Variants in COL22A1 observed in about 807,000 individuals in gnomAD.
COL22A1 encodes collagen type XXII alpha 1 chain, also known as collagen alpha-1(XXII) chain.
In COL22A1, 221 loss-of-function variants were observed where a neutral mutation model predicts 248.9. The observed-to-expected ratio is 0.89, with a 90% CI of 0.80 to 0.99. The LOEUF is 0.99. COL22A1 is among the 50% of genes least tolerant of loss of function. The pLI is 0.00. For missense variants in COL22A1, 2,240 were observed against 2,179.0 expected (o/e 1.03, Z -0.56); for synonymous variants, 891 against 793.4 (o/e 1.12, Z -2.07).
intron 56 of COL22A1, among the ~76,000 whole-genome samples, chr8:138,613,195 C>T (rs9324489): frequency 7.4e-5 from 11 of 148,718 alleles, no homozygotes; most frequent in African/African-American, 2.7e-4. Flanking sequence ...TTGCAGTGAG[C>T]GGAGATCACG....
chr8:138,904,119 T>C (rs1814819264), intron 1 of COL22A1, among the ~76,000 whole-genome samples: 1 of 152,146 alleles, frequency 6.6e-6, no homozygotes, highest in Non-Finnish European at 1.5e-5. Flanking sequence ...AGAGAAGCAC[T>C]TGTTGCTCTT....
At chr8:138,735,462 G>A (rs577847882) in intron 23 of COL22A1, among the ~76,000 whole-genome samples, 57 of 152,180 alleles carry the variant, frequency 3.7e-4, no homozygotes, top group Non-Finnish European at 5.3e-4. Flanking sequence ...GAATGAAAAT[G>A]ACTTCAAAGT....
rs570025877 is a variant in COL22A1, at chr8:138,653,703, A to G, written c.3333+2194T>C. On this transcript the variant is annotated intron_variant, in intron 45 of 64. Coordinates refer to ENST00000303045, the MANE Select transcript of COL22A1 (RefSeq NM_152888.3). The stretch of plus-strand genomic sequence containing the variant: ...ACCAGAAAGAGATATATGAAGTTAT[A>G]AAACTCTCTGGGGCAGAGACAAATG... 1.3e-3 allele frequency among the ~76,000 whole-genome samples: 196 copies of G among 152,316 alleles called. 8 individuals are homozygous for G. The South Asian group carries it at 0.04, about 31-fold the overall frequency.
At chr8:138,845,440 C>T (rs1034158218) in intron 3 of COL22A1, among the ~76,000 whole-genome samples, 10 of 151,652 alleles carry the variant, frequency 6.6e-5, no homozygotes, top group South Asian at 4.2e-4. Flanking sequence ...ACCTGGGAGG[C>T]GGAGGCGGAG....
intron 3 of COL22A1, among the ~76,000 whole-genome samples, chr8:138,844,587 G>A (rs1216911712): frequency 6.6e-6 from 1 of 152,164 alleles, no homozygotes; most frequent in African/African-American, 2.4e-5. Flanking sequence ...CTTTTTGAAA[G>A]AACTGTAAGA....
At position 138,878,004 on chromosome 8, in the gene COL22A1, C is replaced by A; in HGVS notation, c.404G>T (p.Gly135Val). 1.3e-6 allele frequency: 2 copies of A among 1,582,000 alleles called. No homozygotes were observed. The highest frequency in any genetic ancestry group is 8.6e-7 in the Non-Finnish European group (1 of 1,164,338). The change falls in exon 3 of 65, where the codon GGC becomes GTC. Residue 135 changes from glycine to valine, a missense_variant. Coordinates refer to ENST00000303045, the MANE Select transcript of COL22A1 (RefSeq NM_152888.3). ...TARSFSPHAG[G>V]RPRDRAYKQV... ...CTTGTAGGCGCGGTCCCTGGGGCGGCCGCCGGCGTGTGGGGAGAAGCTGCG... is the reference window on the plus strand; with the variant it reads ...CTTGTAGGCGCGGTCCCTGGGGCGGACGCCGGCGTGTGGGGAGAAGCTGCG...
intron 12 of COL22A1, among the ~76,000 whole-genome samples, chr8:138,788,968 T>A (rs1361884684): frequency 6.6e-6 from 1 of 152,224 alleles, no homozygotes; most frequent in African/African-American, 2.4e-5. Flanking sequence ...AGCCAAGTTC[T>A]AGATCCAGCC....
At chr8:138,743,333 G>GTGATGGTGATGGTGGAGT (rs1831828950) in intron 22 of COL22A1, among the ~76,000 whole-genome samples, 1 of 151,482 alleles carries the variant, frequency 6.6e-6, no homozygotes, top group Admixed American at 6.6e-5. Flanking sequence ...GGTAGTGATT[G>GTGATGGTGATGGTGGAGT]TGATGGTGAT....
intron 23 of COL22A1, among the ~76,000 whole-genome samples, chr8:138,734,240 G>A (rs1252063070): frequency 6.6e-6 from 1 of 152,188 alleles, no homozygotes; most frequent in Non-Finnish European, 1.5e-5. Flanking sequence ...GAATAAATAT[G>A]AGATTTAGGG....
chr8:138,663,611 A>T, intron 42 of COL22A1, 94 bp downstream of exon 42: 2 of 922,570 alleles, frequency 2.2e-6, no homozygotes, highest in Non-Finnish European at 3.6e-6. Flanking sequence ...TTCAGAATCT[A>T]CTTCAGTTTT....
At chr8:138,650,278 C>T (rs1822584991) in intron 45 of COL22A1, among the ~76,000 whole-genome samples, 3 of 152,200 alleles carry the variant, frequency 2.0e-5, no homozygotes, top group Admixed American at 2.0e-4. Flanking sequence ...CAGGCACACA[C>T]CCTTGGGACT....
chr8:138,876,230 A>T (rs1823707523), intron 3 of COL22A1, among the ~76,000 whole-genome samples: 1 of 151,196 alleles, frequency 6.6e-6, no homozygotes, highest in Non-Finnish European at 1.5e-5. Flanking sequence ...CTTTAATCCC[A>T]CTCCATCGCA....
chr8:138,706,172 C>T (rs891281987), intron 30 of COL22A1, among the ~76,000 whole-genome samples: 4 of 152,050 alleles, frequency 2.6e-5, no homozygotes, highest in Admixed American at 2.6e-4. Context: ...ACTTAGACTC[C>T]CACACAATAA....
intron 6 of COL22A1, among the ~76,000 whole-genome samples, chr8:138,823,339 A>ATGT (rs1313804801): frequency 2.6e-5 from 4 of 152,220 alleles, no homozygotes; most frequent in African/African-American, 4.8e-5. Context: ...CACAGCAGTG[A>ATGT]AACCTTCTCT....
chr8:138,881,383 A>T (rs1185155161), intron 2 of COL22A1, among the ~76,000 whole-genome samples: 1 of 151,714 alleles, frequency 6.6e-6, no homozygotes, highest in Non-Finnish European at 1.5e-5. Context: ...CAGGGAGAAA[A>T]GCCTTAGAAT....
At chr8:138,831,871 A>G (rs1439379266) in intron 5 of COL22A1, among the ~76,000 whole-genome samples, 1 of 152,254 alleles carries the variant, frequency 6.6e-6, no homozygotes, top group Non-Finnish European at 1.5e-5. Context: ...GAGCAACTCC[A>G]TCTTAAACAG....
At chr8:138,887,392 G>A (rs1019062418) in intron 1 of COL22A1, among the ~76,000 whole-genome samples, 2 of 151,956 alleles carry the variant, frequency 1.3e-5, no homozygotes, top group Admixed American at 6.6e-5. Context: ...CCTAATTTTT[G>A]TATTTTTAGT....
chr8:138,849,065 G>A (rs909938433), intron 3 of COL22A1, among the ~76,000 whole-genome samples: 15 of 152,156 alleles, frequency 9.9e-5, no homozygotes, highest in African/African-American at 2.4e-4. Context: ...CAGTTCCTCC[G>A]CTGCTCCGAG....
chr8:138,893,580 G>C (rs533766987), intron 1 of COL22A1, among the ~76,000 whole-genome samples: 1 of 152,202 alleles, frequency 6.6e-6, no homozygotes, highest in Non-Finnish European at 1.5e-5. Context: ...ATGTGAAAGA[G>C]ATTACATGAG....
Sources: allele counts gnomAD v4.1 joint callset (sites outside exome capture counted in the v4.1 genomes callset), GRCh38; gene constraint gnomAD v4.1.1; transcripts MANE v1.5; gene names NCBI Gene and HGNC (gene_info 2026-07-23, HGNC 2026-07-21).